STK39: variants seen among roughly 807,000 people sequenced by gnomAD.
STK39 encodes the protein serine/threonine kinase 39.
Under a neutral mutation model 77.8 loss-of-function variants are expected in STK39, and 20 were observed. That is an observed-to-expected ratio of 0.26 (90% confidence interval 0.18 to 0.37). STK39 has a LOEUF of 0.37. STK39 is among the 10% of genes least tolerant of loss of function. The pLI, the probability that STK39 is intolerant of heterozygous loss-of-function variation, is 1.00. For missense variants in STK39, 479 were observed against 656.5 expected, an observed-to-expected ratio of 0.73 and a Z score of 2.95; for synonymous variants, 246 against 234.1, an observed-to-expected ratio of 1.05 and a Z score of -0.47.
At chr2:168,022,969 C>G (rs1267567275) in intron 14 of STK39, among the ~76,000 whole-genome samples, 1 of 152,174 alleles carries the variant, frequency 6.6e-6, no homozygotes, top group African/African-American at 2.4e-5. Context: ...CCAGGTAGTA[C>G]AGTGGCACAC....
At chr2:168,216,354 G>A (rs773142167) in intron 1 of STK39, among the ~76,000 whole-genome samples, 57 of 152,198 alleles carry the variant, frequency 3.7e-4, no homozygotes, top group Non-Finnish European at 6.0e-4. Flanking sequence ...AGGTTGGTTT[G>A]GGTTTTTGTT....
chr2:168,116,985 T>A (rs1388426299), intron 10 of STK39, among the ~76,000 whole-genome samples: 1 of 152,254 alleles, frequency 6.6e-6, no homozygotes, highest in African/African-American at 2.4e-5. Context: ...AAAACGTATG[T>A]GCATCCTGGC....
intron 1 of STK39, among the ~76,000 whole-genome samples, chr2:168,245,178 G>T (rs1574591137): frequency 6.6e-6 from 1 of 152,168 alleles, no homozygotes; most frequent in Non-Finnish European, 1.5e-5. Context: ...GAAGGCAACA[G>T]TGGAAATAAT....
intron 14 of STK39, among the ~76,000 whole-genome samples, chr2:168,049,466 T>C (rs968709825): frequency 2.2e-4 from 33 of 152,284 alleles, no homozygotes; most frequent in Non-Finnish European, 4.1e-4. Context: ...TTGGAAGCTA[T>C]CCAGGGCATC....
At chr2:168,176,105 A>C (rs1365249549) in intron 2 of STK39, among the ~76,000 whole-genome samples, 2 of 152,220 alleles carry the variant, frequency 1.3e-5, no homozygotes, top group African/African-American at 4.8e-5. Flanking sequence ...TAACTTCAAA[A>C]AGAATGGAAA....
intron 14 of STK39, among the ~76,000 whole-genome samples, chr2:168,056,089 C>T (rs1345702681): frequency 6.6e-6 from 1 of 152,070 alleles, no homozygotes; most frequent in Non-Finnish European, 1.5e-5. Flanking sequence ...AACATTGAGC[C>T]TTAAGGTCTA....
intron 5 of STK39, among the ~76,000 whole-genome samples, chr2:168,160,460 T>C (rs1168206134): frequency 3.5e-5 from 4 of 113,480 alleles, no homozygotes; most frequent in Non-Finnish European, 8.3e-5. Context: ...GAAGTAATAG[T>C]AGTAATAGTA....
At chr2:168,191,229 A>C (rs1358796630) in intron 1 of STK39, among the ~76,000 whole-genome samples, 1 of 152,216 alleles carries the variant, frequency 6.6e-6, no homozygotes, top group Non-Finnish European at 1.5e-5. Flanking sequence ...AGGGCCTGAC[A>C]TGCGGACAAT....
chr2:168,024,859 A>G (rs527541184), intron 14 of STK39, among the ~76,000 whole-genome samples: 2 of 152,362 alleles, frequency 1.3e-5, no homozygotes, highest in East Asian at 3.9e-4. Flanking sequence ...GATAAAGAAT[A>G]GATCCAAAAT....
chr2:168,095,334 T>C (rs1686634336), intron 10 of STK39, among the ~76,000 whole-genome samples: 1 of 152,172 alleles, frequency 6.6e-6, no homozygotes, highest in Non-Finnish European at 1.5e-5. Flanking sequence ...TCTAGCCCAG[T>C]TCTCAAATAT....
intron 10 of STK39, among the ~76,000 whole-genome samples, chr2:168,119,788 T>C (rs1687357243): frequency 6.6e-6 from 1 of 152,216 alleles, no homozygotes; most frequent in African/African-American, 2.4e-5. Context: ...TTAATGATAA[T>C]GCATAACCTT....
At chr2:168,056,830 C>G (rs529317491) in intron 14 of STK39, among the ~76,000 whole-genome samples, 5 of 152,170 alleles carry the variant, frequency 3.3e-5, no homozygotes, top group Admixed American at 6.5e-5. Context: ...CCAAAAGCAG[C>G]CTTCCAGCTC....
At chr2:168,065,558 G>T (rs892797674) in intron 12 of STK39, among the ~76,000 whole-genome samples, 177 bp from the exon 13 acceptor site, 3 of 152,118 alleles carry the variant, frequency 2.0e-5, no homozygotes, top group African/African-American at 7.2e-5. Flanking sequence ...AAGTGTTAAA[G>T]ACCCCTAGGC....
chr2:168,234,758 A>G (rs2105267614), intron 1 of STK39, among the ~76,000 whole-genome samples: 1 of 152,350 alleles, frequency 6.6e-6, no homozygotes. Context: ...AGAAATAAAT[A>G]TAAGTAAATA....
chr2:168,132,819 A>G (rs752808079), intron 8 of STK39, among the ~76,000 whole-genome samples: 1 of 152,124 alleles, frequency 6.6e-6, no homozygotes, highest in African/African-American at 2.4e-5. Context: ...GACCTCATAG[A>G]ATTCCTTTGT....
At chr2:168,203,985 A>C (rs1689678042) in intron 1 of STK39, among the ~76,000 whole-genome samples, 1 of 152,234 alleles carries the variant, frequency 6.6e-6, no homozygotes. Flanking sequence ...GAAAGGGGGA[A>C]AAACACAGAG....
At chr2:167,977,722 T>C (rs377399349) in intron 16 of STK39, among the ~76,000 whole-genome samples, 3 of 152,290 alleles carry the variant, frequency 2.0e-5, no homozygotes, top group African/African-American at 4.8e-5. Flanking sequence ...GGCAAAACTT[T>C]GTGTGCACAT....
intron 5 of STK39, among the ~76,000 whole-genome samples, chr2:168,152,654 C>T (rs1688320254): frequency 6.6e-6 from 1 of 152,140 alleles, no homozygotes; most frequent in South Asian, 2.1e-4. Flanking sequence ...GCTCAGCAGT[C>T]CTCAGATGCT....
At chr2:168,097,883 T>G (rs1686713373) in intron 10 of STK39, among the ~76,000 whole-genome samples, 2 of 152,198 alleles carry the variant, frequency 1.3e-5, no homozygotes, top group African/African-American at 4.8e-5. Context: ...AAGGTAAAAA[T>G]ATTTAGCAGT....
Sources: allele counts gnomAD v4.1 joint callset (sites outside exome capture counted in the v4.1 genomes callset), GRCh38; gene constraint gnomAD v4.1.1; transcripts MANE v1.5; gene names NCBI Gene and HGNC (gene_info 2026-07-23, HGNC 2026-07-21).